The following SCGB2B2 variants were observed in gnomAD, a reference collection of about 807,000 sequenced individuals.
The protein encoded by SCGB2B2 is secretoglobin family 2B member 2, also known as secretoglobin-like protein.
In SCGB2B2, 11 loss-of-function variants were observed where a neutral mutation model predicts 7.6. The ratio of observed to expected loss-of-function variants is 1.45; its 90% CI spans 0.91 to 2.40. SCGB2B2 has a LOEUF of 2.40. SCGB2B2 is among the 30% of genes most tolerant of loss of function. The probability of loss-of-function intolerance (pLI) is 0.00; values close to 1 mark genes in which losing one functional copy is unlikely to be tolerated. For synonymous variants in SCGB2B2, 50 were observed against 48.6 expected, an observed-to-expected ratio of 1.03 and a Z score of -0.12; for missense variants, 104 against 115.4, an observed-to-expected ratio of 0.90 and a Z score of 0.45.
chr19:34,617,583 G>C (rs2066119384), intron 1 of SCGB2B2, among the ~76,000 whole-genome samples: 1 of 151,944 alleles, frequency 6.6e-6, no homozygotes, highest in Non-Finnish European at 1.5e-5. Context: ...AGGAGATTTT[G>C]GGCTGAGACA....
intron 1 of SCGB2B2, among the ~76,000 whole-genome samples, chr19:34,642,714 CAAAAAAAAA>C (rs55922005): frequency 1.5e-4 from 6 of 39,872 alleles, no homozygotes; most frequent in East Asian, 1.0e-3. Context: ...GACTCCGTCT[CAAAAAAAAA>C]AAAAAAAAAA....
At chr19:34,674,081 T>A (rs757419230) in intron 1 of SCGB2B2, among the ~76,000 whole-genome samples, 3 of 152,194 alleles carry the variant, frequency 2.0e-5, no homozygotes, top group Non-Finnish European at 4.4e-5. Flanking sequence ...TGGCCCTCTC[T>A]CCACTCATGA....
intron 1 of SCGB2B2, among the ~76,000 whole-genome samples, chr19:34,664,652 C>T (rs1237598906): frequency 6.6e-6 from 1 of 152,176 alleles, no homozygotes; most frequent in Non-Finnish European, 1.5e-5. Flanking sequence ...GTGTTGTGTG[C>T]TGTGTCACTG....
intron 1 of SCGB2B2, among the ~76,000 whole-genome samples, chr19:34,644,135 G>A (rs1434908981): frequency 6.6e-6 from 1 of 152,160 alleles, no homozygotes. Flanking sequence ...TGGCATACGA[G>A]CAGACAGATA....
In SCGB2B2 at chr19:34,636,231, C is replaced by T. The variant is rs1039930511; in HGVS notation, c.-2032+39399G>A. ...GACTGACTTTCGTGGGAGAGGCAGC[C>T]CTATCACAGTGTGTGTCTTACAAAT... On this transcript the variant is annotated intron_variant, in intron 1 of 3. Transcript: ENST00000601241. 3.3e-5 allele frequency among the ~76,000 whole-genome samples: 5 copies of T among 152,166 alleles called. 1 individual carries two copies. In the South Asian group the frequency reaches 1.0e-3, roughly 32 times the overall value.
intron 1 of SCGB2B2, among the ~76,000 whole-genome samples, chr19:34,615,986 A>G (rs1220300908): frequency 6.6e-5 from 10 of 151,474 alleles, no homozygotes; most frequent in Admixed American, 2.0e-4. Context: ...ATGATTTCCA[A>G]TTTCATCCAT....
At chr19:34,614,894 G>A (rs1452313530) in intron 1 of SCGB2B2, among the ~76,000 whole-genome samples, 1 of 152,188 alleles carries the variant, frequency 6.6e-6, no homozygotes, top group Non-Finnish European at 1.5e-5. Context: ...CAATAACTAT[G>A]AGTGACCCCA....
intron 3 of SCGB2B2, 35 bp from the exon 4 acceptor site, chr19:34,593,634 C>T (rs1273635035): frequency 6.5e-7 from 1 of 1,543,742 alleles, no homozygotes; most frequent in Non-Finnish European, 8.8e-7. Context: ...GAGCCGGTGG[C>T]CTCTGTGAAA....
intron 1 of SCGB2B2, among the ~76,000 whole-genome samples, chr19:34,650,830 T>A (rs778240342): frequency 2.0e-5 from 3 of 151,308 alleles, no homozygotes; most frequent in Non-Finnish European, 2.9e-5. Context: ...ATATCCATGA[T>A]AAACACAGAT....
chr19:34,614,174 AATTATTTC>A (rs1291243283), intron 1 of SCGB2B2, among the ~76,000 whole-genome samples: 5 of 151,940 alleles, frequency 3.3e-5, no homozygotes, highest in African/African-American at 7.3e-5. Context: ...ATTTTTTTGC[AATTATTTC>A]ATTAAGTCAG....
At chr19:34,615,392 A>G (rs1323667746) in intron 1 of SCGB2B2, among the ~76,000 whole-genome samples, 3 of 151,228 alleles carry the variant, frequency 2.0e-5, no homozygotes, top group African/African-American at 7.3e-5. Context: ...AGTTCCTTCT[A>G]ATTCTCAGCT....
intron 1 of SCGB2B2, among the ~76,000 whole-genome samples, chr19:34,606,217 G>A (rs2065774142): frequency 1.3e-5 from 2 of 151,904 alleles, no homozygotes; most frequent in Non-Finnish European, 2.9e-5. Context: ...TATTTAAAAT[G>A]TACAGCTTTA....
chr19:34,639,005 A>G (rs1278254707), intron 1 of SCGB2B2, among the ~76,000 whole-genome samples: 1 of 152,204 alleles, frequency 6.6e-6, no homozygotes, highest in Non-Finnish European at 1.5e-5. Flanking sequence ...AGCATCTTAC[A>G]TATGTACAGC....
At chr19:34,644,356 T>G (rs986531919) in intron 1 of SCGB2B2, among the ~76,000 whole-genome samples, 1 of 101,088 alleles carries the variant, frequency 9.9e-6, no homozygotes, top group East Asian at 2.7e-4. Flanking sequence ...TTTTGTTTTT[T>G]TTTTTGTTTT....
At chr19:34,633,711 G>A (rs2066598306) in intron 1 of SCGB2B2, among the ~76,000 whole-genome samples, 9 of 152,048 alleles carry the variant, frequency 5.9e-5, no homozygotes, top group Admixed American at 5.2e-4. Context: ...TTTCCTGGGT[G>A]TACACATTAG....
chr19:34,587,833 G>T (rs530259647), downstream of SCGB2B2, among the ~76,000 whole-genome samples: 1 of 152,140 alleles, frequency 6.6e-6, no homozygotes, highest in Non-Finnish European at 1.5e-5. Flanking sequence ...TGTCTTATTT[G>T]TGGATCTGTG....
At chr19:34,632,561 C>G (rs1568436319) in intron 1 of SCGB2B2, among the ~76,000 whole-genome samples, 1 of 152,150 alleles carries the variant, frequency 6.6e-6, no homozygotes, top group Non-Finnish European at 1.5e-5. Context: ...CCACTACACA[C>G]CAAATGAGAA....
intron 1 of SCGB2B2, among the ~76,000 whole-genome samples, chr19:34,663,074 A>G (rs2067509528): frequency 6.6e-6 from 1 of 152,256 alleles, no homozygotes; most frequent in Non-Finnish European, 1.5e-5. Context: ...ATGGAAACCC[A>G]ATGAGATGCC....
At position 34,596,507 on chromosome 19, in the gene SCGB2B2, G is replaced by A. The variant is rs2065459763; in HGVS notation, c.-1944C>T. On this transcript the variant is annotated 5_prime_UTR_variant, in exon 2 of 4. Transcript: ENST00000601241. ...AGGATTCCACCCACTATGTGGGGTG[G>A]AGGGTCTGTGATTATATGAATATGA... The A allele has an allele frequency of 6.6e-6, 1 of 152,602 alleles. No homozygotes were observed. Among genetic ancestry groups the A allele is most frequent in the African/African-American group, 2.4e-5 (1 of 41,442 alleles). 9.5% of individuals were successfully genotyped at this position (152,602 alleles called of 1,614,324 possible). A position where few individuals can be genotyped will look rare whatever the true frequency, so the allele number is the denominator to read the frequency against.
Sources: allele counts gnomAD v4.1 joint callset (sites outside exome capture counted in the v4.1 genomes callset), GRCh38; gene constraint gnomAD v4.1.1; transcripts MANE v1.5; gene names NCBI Gene and HGNC (gene_info 2026-07-23, HGNC 2026-07-21).